The following HM13 variants were observed in gnomAD, a reference collection of about 807,000 sequenced individuals.
The protein encoded by HM13 is signal peptide peptidase.
A neutral mutation model predicts 50.0 loss-of-function variants in HM13; 18 were observed. That is an observed-to-expected ratio of 0.36 (90% CI 0.25 to 0.53). The LOEUF (loss-of-function observed/expected upper bound fraction) is 0.53. Among genes scored for constraint, HM13 ranks in the 20% least tolerant of loss-of-function variants. The pLI is 0.90. For missense variants in HM13, 393 were observed against 552.4 expected (o/e 0.71, Z 2.89); for synonymous variants, 197 against 232.6 (o/e 0.85, Z 1.39).
chr20:31,536,267 G>T (rs1485230554), intron 2 of HM13, among the ~76,000 whole-genome samples: 4 of 152,318 alleles, frequency 2.6e-5, no homozygotes, highest in African/African-American at 9.6e-5. Context: ...GGAGGCTGAG[G>T]CAGGAAAATC....
intron 2 of HM13, among the ~76,000 whole-genome samples, 178 bp downstream of exon 2, chr20:31,527,760 T>G (rs1447299960): frequency 6.6e-6 from 1 of 152,190 alleles, no homozygotes; most frequent in African/African-American, 2.4e-5. Flanking sequence ...TTGGGACCCT[T>G]TCTCACTAGT....
chr20:31,522,763 G>A (rs556300968), intron 1 of HM13, among the ~76,000 whole-genome samples: 1 of 151,940 alleles, frequency 6.6e-6, no homozygotes, highest in Non-Finnish European at 1.5e-5. Flanking sequence ...TGGTGTATAC[G>A]GTTTAAATGA....
intron 3 of HM13, chr20:31,539,512 A>G (rs1983314538): frequency 4.1e-6 from 4 of 985,528 alleles, no homozygotes; most frequent in South Asian, 9.4e-5. Flanking sequence ...GAAAGCCAAT[A>G]TGAGGCCAGG....
chr20:31,568,397 AAGC>A, intron 12 of HM13, 173 bp downstream of exon 12: 1 of 937,738 alleles, frequency 1.1e-6, no homozygotes, highest in Non-Finnish European at 1.5e-6. Flanking sequence ...TAGGGCTGGG[AAGC>A]AGGACAACCC....
rs112804255 is a variant in HM13, at chr20:31,536,956, G to A, written c.283-1223G>A. ...GGCCCATGACCTCTAGGAGAGCAGC[G>A]ACTTTGCCTGATTCCTTGCTGAATC... On this transcript the variant is annotated intron_variant, in intron 2 of 12. Transcript: ENST00000398174. Among the ~76,000 whole-genome samples, 652 of 152,340 alleles carry A rather than the reference G, an allele frequency of 4.3e-3. 9 individuals carry two copies. The highest frequency in any genetic ancestry group is 0.015 in the African/African-American group (618 of 41,576).
Position 31,568,109 on chromosome 20 carries a change from A to G in HM13, c.1066A>G (p.Thr356Ala). The change falls in exon 12 of 13, where the codon ACC (threonine) becomes GCC (alanine). Residue 356 changes from threonine (T) to alanine (A), a missense_variant. Physicochemically the swap from Thr to Ala is moderately conservative, Grantham distance 58. This residue lies in a region of HM13 where 105 missense variants were observed against 115.9 expected (regional missense o/e 0.91). Coordinates refer to ENST00000398174, the MANE Select transcript of HM13 (RefSeq NM_178581.3). ...YESSAEILPH[T>A]PRLTHFPTVS... is the part of the protein sequence containing the mutation. ...GTCCTCGGCGGAAATCCTGCCTCAT[A>G]CCCCGAGGCTCACCCACTTCCCCAC... 2.5e-6 allele frequency: 4 copies of G among 1,611,330 alleles called. No individual in the cohort carries two copies. The highest frequency in any genetic ancestry group is 3.4e-6 in the Non-Finnish European group (4 of 1,179,154).
chr20:31,548,149 G>T, intron 4 of HM13: 1 of 817,734 alleles, frequency 1.2e-6, no homozygotes, highest in South Asian at 1.5e-5. Flanking sequence ...ATGCCTCTGT[G>T]GTTATGCTAA....
At chr20:31,566,478 C>G (rs1568802249) in intron 11 of HM13, among the ~76,000 whole-genome samples, 183 bp downstream of exon 11, 1 of 152,118 alleles carries the variant, frequency 6.6e-6, no homozygotes, top group Admixed American at 6.5e-5. Context: ...GGGAACCTTA[C>G]CCTGGGCCAG....
At chr20:31,524,710 CTTT>C (rs1156549702) in intron 1 of HM13, among the ~76,000 whole-genome samples, 196 of 110,756 alleles carry the variant, frequency 1.8e-3, no homozygotes, top group African/African-American at 6.5e-3. Context: ...TGTTGTGTGG[CTTT>C]TTTTTTTTTT....
intron 1 of HM13, among the ~76,000 whole-genome samples, chr20:31,519,720 G>A (rs1982033185): frequency 6.6e-6 from 1 of 151,806 alleles, no homozygotes; most frequent in East Asian, 1.9e-4. Context: ...CATTTAGGTT[G>A]TTTCAGTCTT....
At chr20:31,515,113 A>T (rs1981694073) in intron 1 of HM13, among the ~76,000 whole-genome samples, 1 of 152,122 alleles carries the variant, frequency 6.6e-6, no homozygotes, top group African/African-American at 2.4e-5. Flanking sequence ...TGTATACCTG[A>T]TGGATACTGG....
intron 2 of HM13, among the ~76,000 whole-genome samples, chr20:31,529,423 T>C (rs1379713268): frequency 3.3e-5 from 5 of 151,936 alleles, no homozygotes; most frequent in African/African-American, 1.2e-4. Context: ...TTTTCATATT[T>C]TTAGTGGAGA....
Position 31,569,272 on chromosome 20 carries a change from C to A in HM13, c.*53C>A. The A allele has an allele frequency of 7.8e-7, 1 of 1,274,902 alleles. No homozygotes were observed. Among genetic ancestry groups the A allele is most frequent in the Non-Finnish European group, 1.1e-6 (1 of 898,540 alleles). 79.0% of individuals were successfully genotyped at this position (1,274,902 alleles called of 1,614,324 possible). A position where few individuals can be genotyped will look rare whatever the true frequency, so the allele number is the denominator to read the frequency against. On this transcript the variant is annotated 3_prime_UTR_variant, in exon 13 of 13. Coordinates refer to ENST00000398174, the MANE Select transcript of HM13 (RefSeq NM_178581.3). ...CCAGACCAGACAGATGGGGGCTGGG[C>A]CCACACAGGCGTGCACCGGTAGAGG... is the stretch of plus-strand genomic sequence containing the variant.
At chr20:31,543,714 G>A (rs547325847) in intron 3 of HM13, among the ~76,000 whole-genome samples, 6 of 151,878 alleles carry the variant, frequency 4.0e-5, no homozygotes, top group Non-Finnish European at 8.8e-5. Flanking sequence ...GGCGAATCAC[G>A]AGGTCAGGAG....
intron 2 of HM13, among the ~76,000 whole-genome samples, chr20:31,537,206 C>T (rs927524096): frequency 6.6e-6 from 1 of 152,256 alleles, no homozygotes; most frequent in African/African-American, 2.4e-5. Flanking sequence ...ATGTAGCACA[C>T]ACATCATACT....
intron 8 of HM13, among the ~76,000 whole-genome samples, chr20:31,557,693 G>A (rs963291803): frequency 6.0e-5 from 9 of 149,242 alleles, no homozygotes; most frequent in Admixed American, 4.0e-4. Flanking sequence ...ACAGTTGACA[G>A]GCAGTGCTTC....
Position 31,557,703 on chromosome 20 carries a change from C to CTTTTTTTTTT in HM13, c.809-1893_809-1884dup, listed in dbSNP as rs1180267680. ...TGTTGACAGTTGACAGGCAGTGCTT[C>CTTTTTTTTTT]TTTTTTTTTTTTTTTTTTTTTTTTG... On this transcript the variant is annotated intron_variant, in intron 8 of 12. Coordinates refer to ENST00000398174, the MANE Select transcript of HM13 (RefSeq NM_178581.3). 5.8e-4 allele frequency among the ~76,000 whole-genome samples: 47 copies of CTTTTTTTTTT among 80,902 alleles called. 2 individuals carry two copies. Among genetic ancestry groups the CTTTTTTTTTT allele is most frequent in the African/African-American group, 1.5e-3 (26 of 17,660 alleles). 53.1% of individuals were successfully genotyped at this position (80,902 alleles called of 152,430 possible). A position where few individuals can be genotyped will look rare whatever the true frequency, so the allele number is the denominator to read the frequency against.
chr20:31,529,921 G>A (rs896129941), intron 2 of HM13, among the ~76,000 whole-genome samples: 1 of 151,880 alleles, frequency 6.6e-6, no homozygotes, highest in Non-Finnish European at 1.5e-5. Flanking sequence ...GAGCTGAGAT[G>A]GTGCCACTGC....
chr20:31,555,311 T>C (rs1984249333), intron 8 of HM13, among the ~76,000 whole-genome samples: 1 of 152,186 alleles, frequency 6.6e-6, no homozygotes, highest in Non-Finnish European at 1.5e-5. Context: ...AACACACACA[T>C]GGGCTCCTGT....
Sources: gnomAD v4.1 joint callset for allele counts (sites outside exome capture counted in the v4.1 genomes callset) on GRCh38, gnomAD v4.1.1 for gene constraint, gnomAD v4.1.1 regional missense constraint, MANE v1.5 for transcripts, NCBI Gene and HGNC (gene_info 2026-07-23, HGNC 2026-07-21) for gene names.